Variants in COL4A5 observed in about 807,000 individuals in gnomAD.
The protein encoded by COL4A5 is collagen type IV alpha 5 chain, also known as collagen alpha-5(IV) chain.
COL4A5 carries 26 observed loss-of-function variants against 130.2 expected under a neutral mutation model. That is an observed-to-expected ratio of 0.20 (90% confidence interval 0.15 to 0.28). The LOEUF (loss-of-function observed/expected upper bound fraction) is 0.28. Among genes scored for constraint, COL4A5 ranks in the 10% least tolerant of loss-of-function variants. The pLI is 1.00. For missense variants in COL4A5, 1,131 were observed against 1,344.3 expected, an observed-to-expected ratio of 0.84 and a Z score of 2.48; for synonymous variants, 496 against 439.6, an observed-to-expected ratio of 1.13 and a Z score of -1.60.
chrX:108,492,557 C>T (rs1434600527), intron 1 of COL4A5, among the ~76,000 whole-genome samples: 1 of 110,896 alleles, frequency 9.0e-6, no homozygotes, highest in Non-Finnish European at 1.9e-5. Flanking sequence ...ACTATAATTC[C>T]CCAAAGAATC....
At chrX:108,466,200 A>G (rs1391028243) in intron 1 of COL4A5, among the ~76,000 whole-genome samples, 2 of 111,214 alleles carry the variant, frequency 1.8e-5, no homozygotes, top group Admixed American at 1.9e-4. Flanking sequence ...GAGTGCTGCT[A>G]TGAACATGTA....
intron 1 of COL4A5, among the ~76,000 whole-genome samples, chrX:108,454,751 A>G (rs1385111921): frequency 9.1e-6 from 1 of 110,406 alleles, no homozygotes; most frequent in Admixed American, 9.7e-5. Flanking sequence ...TGGTAATTAG[A>G]AGGAAAATAC....
chrX:108,602,903 T>C, intron 27 of COL4A5, 61 bp from the exon 28 acceptor site: 1 of 832,571 alleles, frequency 1.2e-6, no homozygotes, highest in Non-Finnish European at 1.8e-6. Context: ...TTTGGGAATT[T>C]GAATATCTTT....
At chrX:108,575,380 TG>T (rs1278914347) in intron 9 of COL4A5, among the ~76,000 whole-genome samples, 1 of 112,340 alleles carries the variant, frequency 8.9e-6, no homozygotes, top group Non-Finnish European at 1.9e-5. Flanking sequence ...CCTTATTATT[TG>T]TCTTATGTTT....
chrX:108,450,814 A>T (rs753464372), intron 1 of COL4A5, among the ~76,000 whole-genome samples: 40 of 110,991 alleles, frequency 3.6e-4, no homozygotes, highest in Non-Finnish European at 6.2e-4. Flanking sequence ...GTAATTGAAT[A>T]AAAAAAGCTA....
intron 36 of COL4A5, chrX:108,627,144 G>A (rs1225249365): frequency 6.0e-6 from 4 of 666,929 alleles, no homozygotes; most frequent in South Asian, 7.9e-5. Context: ...AGAAGTTTCT[G>A]TATGTTCATT....
chrX:108,598,655 T>G (rs1569494253), intron 24 of COL4A5, 47 bp from the exon 25 acceptor site: 4 of 1,107,362 alleles, frequency 3.6e-6, no homozygotes, highest in Non-Finnish European at 3.7e-6. Flanking sequence ...AACCTACAGA[T>G]AGTTGTTGTA....
chrX:108,617,202 G>C (rs914749473), intron 30 of COL4A5, among the ~76,000 whole-genome samples: 6 of 110,841 alleles, frequency 5.4e-5, no homozygotes, highest in African/African-American at 2.0e-4. Context: ...TATTATCTTA[G>C]TTCATTTAAA....
In COL4A5 at chrX:108,568,741, T is replaced by C. The variant is rs753078290; in HGVS notation, c.322-18T>C. 2.4e-5 allele frequency: 29 copies of C among 1,206,514 alleles called. No homozygotes were observed. The highest frequency in any genetic ancestry group is 4.5e-6 in the Non-Finnish European group (4 of 892,472). On this transcript the variant is annotated intron_variant, in intron 5 of 52. Transcript: ENST00000328300. ...TAATCTAAGACATATTATACATGTG[T>C]TATGTCGCTTTTCAAAGGGAATGCC...
At chrX:108,464,924 G>GT (rs2064689738) in intron 1 of COL4A5, among the ~76,000 whole-genome samples, 2 of 111,907 alleles carry the variant, frequency 1.8e-5, no homozygotes, top group Admixed American at 9.5e-5. Context: ...TTGAGGTATA[G>GT]TTTACATACA....
intron 36 of COL4A5, among the ~76,000 whole-genome samples, chrX:108,644,209 C>T (rs752138985): frequency 8.9e-6 from 1 of 111,906 alleles, no homozygotes; most frequent in African/African-American, 3.2e-5. Flanking sequence ...ATATATGCAC[C>T]TAACACTGGA....
chrX:108,687,722 C>T (rs752505635), intron 49 of COL4A5, 28 bp downstream of exon 49: 17 of 1,174,694 alleles, frequency 1.4e-5, no homozygotes, highest in Non-Finnish European at 1.9e-5. Context: ...TAATTTCCTA[C>T]TGTGCCTTTT....
intron 1 of COL4A5, among the ~76,000 whole-genome samples, chrX:108,483,940 T>C (rs2064918638): frequency 4.4e-5 from 5 of 112,438 alleles, no homozygotes; most frequent in Admixed American, 3.8e-4. Context: ...TTTAGATCTT[T>C]TGCCTATTTT....
intron 3 of COL4A5, among the ~76,000 whole-genome samples, chrX:108,562,092 G>T (rs773060182): frequency 2.7e-5 from 3 of 111,831 alleles, no homozygotes; most frequent in Non-Finnish European, 5.6e-5. Flanking sequence ...GGATGGAATT[G>T]AGCAGTAACT....
chrX:108,696,082 A>G (rs1048308840), intron 52 of COL4A5: 2 of 398,202 alleles, frequency 5.0e-6, no homozygotes, highest in Non-Finnish European at 8.9e-6. Flanking sequence ...CAAAGATAAT[A>G]GTGGTGGGGA....
chrX:108,580,433 G>C (rs1255267355), intron 13 of COL4A5, 100 bp from the exon 14 acceptor site: 2 of 689,921 alleles, frequency 2.9e-6, no homozygotes, highest in Non-Finnish European at 4.7e-6. Context: ...TGTAGCTGTG[G>C]TTCAGTTTAT....
At chrX:108,573,318 T>A (rs1000337507) in intron 8 of COL4A5, among the ~76,000 whole-genome samples, 1 of 111,526 alleles carries the variant, frequency 9.0e-6, no homozygotes, top group Non-Finnish European at 1.9e-5. Flanking sequence ...TGTTGGCAAA[T>A]ACTTAATATT....
chrX:108,550,556 A>G, intron 2 of COL4A5, among the ~76,000 whole-genome samples: 1 of 111,862 alleles, frequency 8.9e-6, no homozygotes, highest in Non-Finnish European at 1.9e-5. Flanking sequence ...CCTCAACCTT[A>G]AAGGGCATAT....
intron 1 of COL4A5, among the ~76,000 whole-genome samples, chrX:108,503,104 A>G (rs754167061): frequency 1.1e-4 from 12 of 111,631 alleles, no homozygotes; most frequent in African/African-American, 3.9e-4. Context: ...TATTTTCTAC[A>G]TATTGGCAGC....
Sources: allele counts gnomAD v4.1 joint callset (sites outside exome capture counted in the v4.1 genomes callset), GRCh38; gene constraint gnomAD v4.1.1; transcripts MANE v1.5; gene names NCBI Gene and HGNC (gene_info 2026-07-23, HGNC 2026-07-21).